The following IQANK1 variants were observed in gnomAD, a reference collection of about 807,000 sequenced individuals.
IQANK1 encodes the protein IQ motif and ankyrin repeat domain-containing protein 1.
In IQANK1, 30 loss-of-function variants were observed where a neutral mutation model predicts 22.6. The ratio of observed to expected loss-of-function variants is 1.33; its 90% confidence interval spans 0.99 to 1.80. IQANK1 has a LOEUF of 1.80. IQANK1 is among the 40% of genes most tolerant of loss of function. IQANK1 has a pLI of 0.00. For synonymous variants in IQANK1, 122 were observed against 99.6 expected (o/e 1.23, Z -1.34); for missense variants, 275 against 235.2 (o/e 1.17, Z -1.11).
chr8:143,761,800 AT>A (rs1554628899), intron 3 of IQANK1, among the ~76,000 whole-genome samples: 1 of 115,932 alleles, frequency 8.6e-6, no homozygotes, highest in African/African-American at 2.7e-5. Context: ...AAGAAAATAA[AT>A]TTCAGTGTTT....
intron 3 of IQANK1, among the ~76,000 whole-genome samples, chr8:143,757,326 A>T (rs1022522977): frequency 1.3e-5 from 2 of 151,950 alleles, no homozygotes; most frequent in East Asian, 3.9e-4. Flanking sequence ...TGTAAGGTAC[A>T]TAATGTGTCT....
intron 3 of IQANK1, among the ~76,000 whole-genome samples, chr8:143,749,360 A>T (rs13267800): frequency 7.6e-6 from 1 of 130,994 alleles, no homozygotes; most frequent in African/African-American, 3.0e-5. Flanking sequence ...AATATATAAA[A>T]ATATATAAAT....
intron 7 of IQANK1, among the ~76,000 whole-genome samples, chr8:143,779,514 C>T (rs898591783): frequency 1.3e-5 from 2 of 152,234 alleles, no homozygotes; most frequent in South Asian, 4.1e-4. Flanking sequence ...ATCATTTAAT[C>T]AGTTCATTCA....
intron 3 of IQANK1, among the ~76,000 whole-genome samples, chr8:143,760,922 G>T (rs1587482307): frequency 6.6e-6 from 1 of 152,234 alleles, no homozygotes; most frequent in Non-Finnish European, 1.5e-5. Flanking sequence ...GGCCCAGCGC[G>T]GTGGCATGGG....
chr8:143,736,646 C>A (rs1818746354), intron 2 of IQANK1, among the ~76,000 whole-genome samples: 1 of 152,128 alleles, frequency 6.6e-6, no homozygotes, highest in African/African-American at 2.4e-5. Context: ...TGACTCTCTG[C>A]TCCATCTGGG....
At chr8:143,761,025 A>T (rs1319640465) in intron 3 of IQANK1, among the ~76,000 whole-genome samples, 5 of 152,206 alleles carry the variant, frequency 3.3e-5, no homozygotes, top group Non-Finnish European at 5.9e-5. Flanking sequence ...GAAGACGGTC[A>T]GGGAGGCGCG....
At chr8:143,740,076 G>A (rs971726514) in intron 3 of IQANK1, 128 bp downstream of exon 3, 1 of 534,548 alleles carries the variant, frequency 1.9e-6, no homozygotes, top group Non-Finnish European at 3.3e-6. Context: ...GCTTGTGCGC[G>A]CACGTGTGGG....
chr8:143,790,000 C>T lies in IQANK1; in HGVS notation c.1225C>T (p.Gln409Ter), dbSNP rs1212797398. ...GEEEAPGLKCQVTELHDVLMK... is the reference protein window; with the variant it reads ...GEEEAPGLKC ...GGAAGAGGCGCCTGGGCTGAAGTGC[C>T]AGGTCACCGAGCTGCACGATGTGCT... Residue 409 changes from glutamine to a stop codon, truncating the protein, a stop_gained, in exon 12 of 14, where the codon CAG (glutamine) becomes TAG (stop). Coordinates refer to ENST00000527139, the MANE Select transcript of IQANK1 (RefSeq NM_001381874.1). LOFTEE classifies it high-confidence loss of function. The T allele has an allele frequency of 1.6e-6, 2 of 1,232,080 alleles. No homozygotes were observed. Among genetic ancestry groups the T allele is most frequent in the Non-Finnish European group, 2.0e-6 (2 of 988,022 alleles). 76.3% of individuals were successfully genotyped at this position (1,232,080 alleles called of 1,614,324 possible). A position where few individuals can be genotyped will look rare whatever the true frequency, so the allele number is the denominator to read the frequency against.
chr8:143,740,390 G>A (rs1181808198), intron 3 of IQANK1, among the ~76,000 whole-genome samples: 1 of 152,216 alleles, frequency 6.6e-6, no homozygotes, highest in Non-Finnish European at 1.5e-5. Flanking sequence ...CCGACCCTGC[G>A]CTGTTCCCGA....
chr8:143,744,908 T>C (rs1342219328), intron 3 of IQANK1: 1 of 152,244 alleles, frequency 6.6e-6, no homozygotes, highest in African/African-American at 2.4e-5. Context: ...CACAGTGCCT[T>C]CCATGACTTC....
At chr8:143,787,804 CTG>C (rs1819921906) in intron 7 of IQANK1, among the ~76,000 whole-genome samples, 1 of 152,166 alleles carries the variant, frequency 6.6e-6, no homozygotes, top group African/African-American at 2.4e-5. Flanking sequence ...ACCCCTTGCT[CTG>C]TGGGAATGCG....
At chr8:143,765,348 C>T (rs1819465675) in intron 3 of IQANK1, among the ~76,000 whole-genome samples, 1 of 151,222 alleles carries the variant, frequency 6.6e-6, no homozygotes, top group Admixed American at 6.6e-5. Flanking sequence ...CAGAGTAAGA[C>T]CTTGTCTCAA....
In IQANK1 at chr8:143,776,283, T is replaced by TGCAGTCC. The variant is rs375529338; in HGVS notation, c.789+3810_789+3816dup. ...TTGCAGTGAGCTGAGATGGCGCCAC[T>TGCAGTCC]GCAGTCCGCAGTCCGGCCTGGGCGA... On this transcript the variant is annotated intron_variant, in intron 7 of 13. Transcript: ENST00000527139. Among the ~76,000 whole-genome samples the TGCAGTCC allele has an allele frequency of 1.8e-3, 226 of 123,054 alleles. 3 individuals are homozygous for TGCAGTCC. The highest frequency in any genetic ancestry group is 4.6e-4 in the Non-Finnish European group (30 of 64,966). 80.7% of individuals were successfully genotyped at this position (123,054 alleles called of 152,430 possible). A position where few individuals can be genotyped will look rare whatever the true frequency, so the allele number is the denominator to read the frequency against.
At chr8:143,763,570 C>T (rs1819433229) in intron 3 of IQANK1, among the ~76,000 whole-genome samples, 1 of 152,154 alleles carries the variant, frequency 6.6e-6, no homozygotes, top group Non-Finnish European at 1.5e-5. Context: ...TCCGTGAGCT[C>T]ACAAGCTCGC....
intron 3 of IQANK1, among the ~76,000 whole-genome samples, chr8:143,756,812 TAAA>T (rs36111952): frequency 1.5e-5 from 2 of 134,234 alleles, no homozygotes; most frequent in Non-Finnish European, 3.2e-5. Flanking sequence ...CTAAAAAAAT[TAAA>T]AAAAAAAAAA....
rs1319357960 is a variant in IQANK1 at position 143,774,220 on chromosome 8, A to C, written c.789+1738A>C. Among the ~76,000 whole-genome samples the C allele has an allele frequency of 6.6e-6, 1 of 152,158 alleles. No individual in the cohort carries two copies. The highest frequency in any genetic ancestry group is 1.5e-5 in the Non-Finnish European group (1 of 68,008). On this transcript the variant is annotated intron_variant, in intron 7 of 13. Coordinates refer to ENST00000527139, the MANE Select transcript of IQANK1 (RefSeq NM_001381874.1). The surrounding 1 kb of genome is among the most constrained non-coding windows in gnomAD (Gnocchi z 4.2). ...ACATTGATAAACAGAACTTCATCAG[A>C]ATGTAAAATGTTTGCTTTGTAAAAG...
chr8:143,767,777 C>A (rs1265290812), intron 3 of IQANK1, among the ~76,000 whole-genome samples: 1 of 150,844 alleles, frequency 6.6e-6, no homozygotes, highest in African/African-American at 2.4e-5. Flanking sequence ...CTTGGCTACT[C>A]AGGAGGCTGA....
chr8:143,738,104 G>T (rs979190837), intron 2 of IQANK1, among the ~76,000 whole-genome samples: 7 of 152,120 alleles, frequency 4.6e-5, no homozygotes, highest in Admixed American at 4.6e-4. Flanking sequence ...GGCCACCCCC[G>T]CTTCACCCTG....
rs1554628034 is a variant in IQANK1, at chr8:143,751,625, AGTGT to A, written c.175+11714_175+11717del. 5.4e-3 allele frequency among the ~76,000 whole-genome samples: 515 copies of A among 95,956 alleles called. 5 individuals carry two copies. The highest frequency in any genetic ancestry group is 0.027 in the South Asian group (66 of 2,452). 63.0% of individuals were successfully genotyped at this position (95,956 alleles called of 152,430 possible). A position where few individuals can be genotyped will look rare whatever the true frequency, so the allele number is the denominator to read the frequency against. ...AGACTTCATCTCAAAAAAAAAAAAA[AGTGT>A]GTGTGTGTGTGTGTGTGTGTGTGTG... On this transcript the variant is annotated intron_variant, in intron 3 of 13. Coordinates refer to ENST00000527139, the MANE Select transcript of IQANK1 (RefSeq NM_001381874.1).
Sources: allele counts gnomAD v4.1 joint callset (sites outside exome capture counted in the v4.1 genomes callset), GRCh38; gene constraint gnomAD v4.1.1; non-coding constraint Gnocchi (gnomAD v3.1); transcripts MANE v1.5; gene names NCBI Gene and HGNC (gene_info 2026-07-23, HGNC 2026-07-21).